Variants in ACACA observed in about 807,000 individuals in gnomAD.
ACACA encodes acetyl-CoA carboxylase alpha, also known as acetyl-CoA carboxylase 1.
In ACACA, 103 loss-of-function variants were observed where a neutral mutation model predicts 296.1. The observed-to-expected ratio is 0.35, with a 90% confidence interval of 0.30 to 0.41. ACACA has a LOEUF of 0.41. ACACA is among the 10% of genes least tolerant of loss of function. The pLI, the probability that ACACA is intolerant of heterozygous loss-of-function variation, is 1.00. For missense variants in ACACA, 1,554 were observed against 2,989.7 expected, an observed-to-expected ratio of 0.52 and a Z score of 11.20; for synonymous variants, 953 against 1,038.6, an observed-to-expected ratio of 0.92 and a Z score of 1.58.
At chr17:37,099,181 C>CAT (rs1003325187) in intron 52 of ACACA, among the ~76,000 whole-genome samples, 5 of 152,222 alleles carry the variant, frequency 3.3e-5, no homozygotes, top group African/African-American at 1.2e-4. Context: ...CCGTATTATA[C>CAT]ATAAACACAG....
At chr17:37,278,144 C>T in intron 5 of ACACA, 139 bp from the exon 6 acceptor site, 1 of 714,264 alleles carries the variant, frequency 1.4e-6, no homozygotes, top group Non-Finnish European at 2.5e-6. Flanking sequence ...ATTTCCAGGA[C>T]CATTTAGTTC....
In ACACA at chr17:37,151,569, C is replaced by T; in HGVS notation, c.5448-148G>A. On this transcript the variant is annotated intron_variant, in intron 43 of 55. Coordinates refer to ENST00000616317, the MANE Select transcript of ACACA (RefSeq NM_198834.3). Reference sequence around the variant, plus strand: ...TTTATGTGCTTCCTTTTATACTCTTCATTCATATGTCTTTCCTTCTTAGCT... The same window carrying T: ...TTTATGTGCTTCCTTTTATACTCTTTATTCATATGTCTTTCCTTCTTAGCT... The T allele has an allele frequency of 6.3e-6, 6 of 959,348 alleles. No homozygotes were observed. In the South Asian group the frequency reaches 8.2e-5, roughly 13 times the overall value. The allele number at this position is 959,348 out of a possible 1,614,324, so 59.4% of individuals were successfully genotyped here.
chr17:37,297,546 T>TATATATATAC (rs746487072), intron 3 of ACACA, among the ~76,000 whole-genome samples: 4 of 150,148 alleles, frequency 2.7e-5, no homozygotes, highest in African/African-American at 9.9e-5. Context: ...TATATATATA[T>TATATATATAC]ACACTTTTTT....
At chr17:37,390,280 T>C (rs868259078) in intron 1 of ACACA, among the ~76,000 whole-genome samples, 55 of 65,046 alleles carry the variant, frequency 8.5e-4, no homozygotes, top group African/African-American at 4.0e-3. Flanking sequence ...TAATATATTA[T>C]ATATAATTAT....
At chr17:37,141,283 A>C in intron 45 of ACACA, 1 of 552,128 alleles carries the variant, frequency 1.8e-6, no homozygotes, top group Admixed American at 2.1e-5. Context: ...CAGGTGGCCC[A>C]ACTTGGTCAT....
intron 1 of ACACA, among the ~76,000 whole-genome samples, chr17:37,350,817 T>A (rs1244119644): frequency 1.3e-5 from 2 of 151,138 alleles, no homozygotes; most frequent in Non-Finnish European, 2.9e-5. Flanking sequence ...CCAACGTACA[T>A]GGCCCCCTTT....
chr17:37,109,469 T>G (rs2073868421), intron 52 of ACACA, among the ~76,000 whole-genome samples: 1 of 152,244 alleles, frequency 6.6e-6, no homozygotes, highest in Non-Finnish European at 1.5e-5. Context: ...CGTAGTTCGT[T>G]ATTCTTATTC....
chr17:37,170,542 A>C (rs1486778174), intron 41 of ACACA, among the ~76,000 whole-genome samples: 1 of 152,142 alleles, frequency 6.6e-6, no homozygotes, highest in Non-Finnish European at 1.5e-5. Flanking sequence ...TGCTCCAAAC[A>C]GTGATTAGGA....
Position 37,264,981 on chromosome 17 carries a change from T to A in ACACA, c.1120-1087A>T, listed in dbSNP as rs1278865172. Among the ~76,000 whole-genome samples the A allele has an allele frequency of 2.0e-5, 3 of 152,332 alleles. No homozygotes were observed. In the East Asian group the frequency reaches 5.8e-4, roughly 29 times the overall value. On this transcript the variant is annotated intron_variant, in intron 10 of 55. Transcript: ENST00000616317. ...CAGATGTCTGGTGATTTGTGCTGAC[T>A]GCTGGCTGGTAGGTCTAGGGAGCCT...
chr17:37,161,451 C>T (rs777517624), intron 42 of ACACA: 1 of 319,494 alleles, frequency 3.1e-6, no homozygotes, highest in South Asian at 4.1e-5. Context: ...TGATAATTGA[C>T]CGTAAGTCCT....
chr17:37,296,897 A>G (rs2083362728), intron 3 of ACACA, among the ~76,000 whole-genome samples: 1 of 150,436 alleles, frequency 6.6e-6, no homozygotes. Flanking sequence ...TTGTATTTTT[A>G]GTAGAGATGG....
chr17:37,125,544 C>T (rs2074739768), intron 48 of ACACA, among the ~76,000 whole-genome samples, 154 bp downstream of exon 48: 1 of 152,138 alleles, frequency 6.6e-6, no homozygotes, highest in African/African-American at 2.4e-5. Context: ...AACCAGCACT[C>T]CAATTATTTT....
intron 52 of ACACA, among the ~76,000 whole-genome samples, chr17:37,109,694 A>G (rs1007978672): frequency 6.6e-6 from 1 of 152,204 alleles, no homozygotes; most frequent in Non-Finnish European, 1.5e-5. Flanking sequence ...ATGTGCTTCA[A>G]AAGTTAAAAG....
chr17:37,221,697 C>T (rs543648353), intron 29 of ACACA, 27 bp downstream of exon 29: 20 of 1,550,618 alleles, frequency 1.3e-5, no homozygotes, highest in South Asian at 2.2e-5. Flanking sequence ...CTGGCTGGCT[C>T]GGGTGCACAT....
At chr17:37,357,281 T>C (rs2049186051) in intron 1 of ACACA, among the ~76,000 whole-genome samples, 1 of 152,060 alleles carries the variant, frequency 6.6e-6, no homozygotes, top group Non-Finnish European at 1.5e-5. Context: ...TCACCTGAGG[T>C]CAGGAGTTGG....
At chr17:37,333,091 G>A (rs1017494706) in intron 2 of ACACA, among the ~76,000 whole-genome samples, 1 of 152,084 alleles carries the variant, frequency 6.6e-6, no homozygotes, top group African/African-American at 2.4e-5. Flanking sequence ...CCTCACTCCA[G>A]CAACTACTGC....
At chr17:37,173,333 G>A (rs918111599) in intron 41 of ACACA, among the ~76,000 whole-genome samples, 6 of 152,170 alleles carry the variant, frequency 3.9e-5, no homozygotes, top group Non-Finnish European at 8.8e-5. Flanking sequence ...GGTTATGGTG[G>A]TTTTTCTAAA....
chr17:37,207,515 C>T lies in ACACA; in HGVS notation c.3851+142G>A, dbSNP rs191859307. 1.5e-3 allele frequency: 1,432 copies of T among 950,668 alleles called. 7 individuals carry two copies. The highest frequency in any genetic ancestry group is 2.5e-3 in the Middle Eastern group (8 of 3,190). The allele number at this position is 950,668 out of a possible 1,614,324, so 58.9% of individuals were successfully genotyped here. A position where few individuals can be genotyped will look rare whatever the true frequency, so the allele number is the denominator to read the frequency against. ...AATGCAAGGATATATACCTCTCCAA[C>T]GGCATATACAGCAAGGGTTACATCT... On this transcript the variant is annotated intron_variant, in intron 31 of 55. Transcript: ENST00000616317.
intron 41 of ACACA, among the ~76,000 whole-genome samples, chr17:37,167,391 T>G (rs974915966): frequency 1.3e-5 from 2 of 151,424 alleles, no homozygotes; most frequent in Non-Finnish European, 2.9e-5. Context: ...CAATCTTGGC[T>G]TGCTGCAACC....
Sources: gnomAD v4.1 joint callset for allele counts (sites outside exome capture counted in the v4.1 genomes callset) on GRCh38, gnomAD v4.1.1 for gene constraint, MANE v1.5 for transcripts, NCBI Gene and HGNC (gene_info 2026-07-23, HGNC 2026-07-21) for gene names.